Variants in FAM81A observed in about 807,000 individuals in gnomAD.
FAM81A encodes protein FAM81A.
In FAM81A, 19 loss-of-function variants were observed where a neutral mutation model predicts 46.7. The ratio of observed to expected loss-of-function variants is 0.41; its 90% confidence interval spans 0.28 to 0.60. The LOEUF is 0.60. Ranked by LOEUF, FAM81A falls within the 20% of genes least tolerant of loss-of-function variation. The pLI, the probability that FAM81A is intolerant of heterozygous loss-of-function variation, is 0.34. For synonymous variants in FAM81A, 183 were observed against 152.9 expected, an observed-to-expected ratio of 1.20 and a Z score of -1.45; for missense variants, 377 against 453.5, an observed-to-expected ratio of 0.83 and a Z score of 1.53.
At chr15:59,425,951 A>G (rs1567040186) in intron 2 of FAM81A, among the ~76,000 whole-genome samples, 1 of 152,216 alleles carries the variant, frequency 6.6e-6, no homozygotes, top group Non-Finnish European at 1.5e-5. Context: ...CTCAAACTGA[A>G]CTTAAAAGTC....
intron 1 of FAM81A, among the ~76,000 whole-genome samples, chr15:59,443,035 G>T (rs994265928): frequency 6.6e-6 from 1 of 152,084 alleles, no homozygotes; most frequent in African/African-American, 2.4e-5. Flanking sequence ...ATCATCTATT[G>T]ACCTAATAAT....
At chr15:59,520,767 G>C (rs1157853668) in intron 8 of FAM81A, among the ~76,000 whole-genome samples, 3 of 152,110 alleles carry the variant, frequency 2.0e-5, no homozygotes, top group African/African-American at 7.2e-5. Flanking sequence ...GTTTCGCCGT[G>C]TTGGCCAGGC....
upstream of FAM81A, among the ~76,000 whole-genome samples, chr15:59,437,608 A>G (rs572808464): frequency 4.6e-5 from 7 of 152,324 alleles, no homozygotes; most frequent in East Asian, 1.4e-3. Flanking sequence ...AAGGCGATTC[A>G]GTAAATGACA....
chr15:59,511,083 G>A (rs1344964939), intron 6 of FAM81A, among the ~76,000 whole-genome samples: 1 of 151,968 alleles, frequency 6.6e-6, no homozygotes, highest in Non-Finnish European at 1.5e-5. Flanking sequence ...GCAACAGAGC[G>A]AGACTCCATC....
At position 59,505,539 on chromosome 15, in the gene FAM81A, C is replaced by T. The variant is rs574876045; in HGVS notation, c.414-1674C>T. On this transcript the variant is annotated intron_variant, in intron 4 of 8. Coordinates refer to ENST00000288228, the MANE Select transcript of FAM81A (RefSeq NM_152450.3). ...AAAAAAAAAAAAAATCACAGAAAGGCGTCATTGATCATCTTAGCCACCTAT... is the reference window on the plus strand; with the variant it reads ...AAAAAAAAAAAAAATCACAGAAAGGTGTCATTGATCATCTTAGCCACCTAT... Among the ~76,000 whole-genome samples, 11 of 150,892 alleles carry T rather than the reference C, an allele frequency of 7.3e-5. No individual in the cohort carries two copies. In the East Asian group the frequency reaches 7.8e-4, roughly 11 times the overall value.
chr15:59,443,835 C>T (rs551198816), intron 1 of FAM81A, among the ~76,000 whole-genome samples: 3 of 152,200 alleles, frequency 2.0e-5, no homozygotes, highest in Non-Finnish European at 4.4e-5. Context: ...CCTGTGCACA[C>T]TGGCCTCAAT....
At chr15:59,402,134 A>G (rs1170917008) in intron 1 of FAM81A, 5 of 341,416 alleles carry the variant, frequency 1.5e-5, no homozygotes, top group African/African-American at 2.2e-5. Context: ...TAACTTTGCT[A>G]TTGCTTTATA....
chr15:59,412,369 G>C (rs2081124967), intron 2 of FAM81A, among the ~76,000 whole-genome samples: 1 of 152,182 alleles, frequency 6.6e-6, no homozygotes, highest in African/African-American at 2.4e-5. Flanking sequence ...ACTTTCTTCA[G>C]TCAGAATTTA....
At position 59,460,486 on chromosome 15, in the gene FAM81A, G is replaced by T. The variant is rs2081538901; in HGVS notation, c.294+280G>T. On this transcript the variant is annotated intron_variant, in intron 3 of 8. Transcript: ENST00000288228. This position sits in a 1 kb window ranked among gnomAD's most constrained non-coding sequence, Gnocchi z 4.4. ...TTTATTTTGTTTGGCTCTTAATGAA[G>T]AGAGAGAAGAACTAGTCGAATAGTT... 8.1e-6 allele frequency: 4 copies of T among 492,568 alleles called. No homozygotes were observed. The highest frequency in any genetic ancestry group is 3.1e-5 in the Admixed American group (1 of 32,040). 30.5% of individuals were successfully genotyped at this position (492,568 alleles called of 1,614,324 possible). A position where few individuals can be genotyped will look rare whatever the true frequency, so the allele number is the denominator to read the frequency against.
At chr15:59,471,086 A>G (rs989861677) in intron 3 of FAM81A, among the ~76,000 whole-genome samples, 2 of 152,060 alleles carry the variant, frequency 1.3e-5, no homozygotes, top group Non-Finnish European at 2.9e-5. Context: ...AAGTGGTAGG[A>G]TTACAGACAT....
At chr15:59,441,979 A>T (rs1486333578) in intron 1 of FAM81A, among the ~76,000 whole-genome samples, 1 of 151,896 alleles carries the variant, frequency 6.6e-6, no homozygotes, top group Non-Finnish European at 1.5e-5. Context: ...CCTCACTCCA[A>T]CTCTGTGAGG....
At chr15:59,503,607 G>T (rs562828127) in intron 4 of FAM81A, among the ~76,000 whole-genome samples, 60 of 150,930 alleles carry the variant, frequency 4.0e-4, no homozygotes, top group Non-Finnish European at 7.7e-4. Context: ...GAGTCTCACT[G>T]TGTCACCCAG....
chr15:59,414,197 G>T (rs747819230), intron 2 of FAM81A, among the ~76,000 whole-genome samples: 1 of 152,040 alleles, frequency 6.6e-6, no homozygotes, highest in South Asian at 2.1e-4. Context: ...CAAGTGATCC[G>T]CCCGCCTTGG....
At chr15:59,510,272 A>G (rs1324315579) in intron 6 of FAM81A, among the ~76,000 whole-genome samples, 1 of 151,862 alleles carries the variant, frequency 6.6e-6, no homozygotes, top group African/African-American at 2.4e-5. Context: ...AGGGTGAGAC[A>G]TGAGCATTGC....
At chr15:59,453,927 C>A (rs1355205600) in intron 1 of FAM81A, among the ~76,000 whole-genome samples, 1 of 152,118 alleles carries the variant, frequency 6.6e-6, no homozygotes, top group African/African-American at 2.4e-5. Context: ...GGGCCTTGGG[C>A]CTGCATGCAC....
At chr15:59,421,486 C>A in intron 2 of FAM81A, among the ~76,000 whole-genome samples, 1 of 152,120 alleles carries the variant, frequency 6.6e-6, no homozygotes, top group East Asian at 1.9e-4. Flanking sequence ...TTAAGACTTC[C>A]CCCAAGTCTG....
In FAM81A at chr15:59,522,730, G is replaced by A. The variant is rs960311532; in HGVS notation, c.*1352G>A. ...AATTAAAAAGAAAAAAATGTTTTTTGTTTGCCAAGGACTCAGGAAAATAAA... is the reference window on the plus strand; with the variant it reads ...AATTAAAAAGAAAAAAATGTTTTTTATTTGCCAAGGACTCAGGAAAATAAA... On this transcript the variant is annotated 3_prime_UTR_variant, in exon 9 of 9. Transcript: ENST00000288228. 2 of 152,534 alleles carry A rather than the reference G, an allele frequency of 1.3e-5. No individual in the cohort carries two copies. The highest frequency in any genetic ancestry group is 2.9e-5 in the Non-Finnish European group (2 of 67,996). The allele number at this position is 152,534 out of a possible 1,614,324, so 9.4% of individuals were successfully genotyped here.
In FAM81A at chr15:59,442,546, G is replaced by A. The variant is rs2081309897; in HGVS notation, c.-78+4264G>A. On this transcript the variant is annotated intron_variant, in intron 1 of 8. Coordinates refer to ENST00000288228, the MANE Select transcript of FAM81A (RefSeq NM_152450.3). ...GCAGGAGAATTGCTTGAACCCAGAA[G>A]GTGGAGGTTGCAGTGAGCTGAGATC... Among the ~76,000 whole-genome samples, 5 of 148,726 alleles carry A rather than the reference G, an allele frequency of 3.4e-5. No homozygotes were observed. The South Asian group carries it at 8.4e-4, about 25-fold the overall frequency.
chr15:59,442,920 T>C (rs1471617252), intron 1 of FAM81A, among the ~76,000 whole-genome samples: 1 of 152,230 alleles, frequency 6.6e-6, no homozygotes, highest in Admixed American at 6.5e-5. Flanking sequence ...TCCACCTAAA[T>C]ACTCGTGTAT....
Sources: allele counts gnomAD v4.1 joint callset (sites outside exome capture counted in the v4.1 genomes callset), GRCh38; gene constraint gnomAD v4.1.1; non-coding constraint Gnocchi (gnomAD v3.1); transcripts MANE v1.5; gene names NCBI Gene and HGNC (gene_info 2026-07-23, HGNC 2026-07-21).